The following LASP1 variants were observed in gnomAD, a reference collection of about 807,000 sequenced individuals.
The protein encoded by LASP1 is LIM and SH3 domain protein 1.
Under a neutral mutation model 38.6 loss-of-function variants are expected in LASP1, and 10 were observed. That is an observed-to-expected ratio of 0.26 (90% CI 0.16 to 0.44). LASP1 has a LOEUF of 0.44. LASP1 is among the 20% of genes least tolerant of loss of function. The pLI, the probability that LASP1 is intolerant of heterozygous loss-of-function variation, is 1.00. For synonymous variants in LASP1, 132 were observed against 140.8 expected (o/e 0.94, Z 0.44); for missense variants, 243 against 375.7 (o/e 0.65, Z 2.92).
At chr17:38,882,563 C>A (rs1046239398) in intron 2 of LASP1, among the ~76,000 whole-genome samples, 1 of 152,154 alleles carries the variant, frequency 6.6e-6, no homozygotes. Flanking sequence ...TTTCTTGAAG[C>A]TTCTGGGTGG....
intron 2 of LASP1, among the ~76,000 whole-genome samples, chr17:38,878,983 A>G (rs1005599659): frequency 1.3e-5 from 2 of 148,680 alleles, no homozygotes; most frequent in African/African-American, 4.9e-5. Flanking sequence ...ATCCCATCCC[A>G]TCCCATGCAA....
At chr17:38,896,815 T>C (rs1914503452) in intron 3 of LASP1, 1 of 666,604 alleles carries the variant, frequency 1.5e-6, no homozygotes, top group Non-Finnish European at 1.9e-6. Context: ...GCGTTAGTGC[T>C]AGCTCCGCCT....
At chr17:38,917,251 G>C (rs971957985) in intron 6 of LASP1, among the ~76,000 whole-genome samples, 9 of 152,208 alleles carry the variant, frequency 5.9e-5, no homozygotes, top group Non-Finnish European at 1.0e-4. Context: ...GGTGATGAGA[G>C]AGACTGAGGT....
At chr17:38,894,704 TCTC>T (rs375179993) in intron 3 of LASP1, among the ~76,000 whole-genome samples, 7 of 151,914 alleles carry the variant, frequency 4.6e-5, no homozygotes, top group African/African-American at 1.7e-4. Context: ...TTCCATCAGC[TCTC>T]CTCTCCATCT....
intron 1 of LASP1, 95 bp downstream of exon 1, chr17:38,870,353 C>A: frequency 1.4e-6 from 2 of 1,385,520 alleles, no homozygotes; most frequent in Non-Finnish European, 2.0e-6. Flanking sequence ...GCCTTATCCC[C>A]GCGATCCCAG....
rs1915281391 is a variant in LASP1 at position 38,920,899 on chromosome 17, C to T, written c.*2121C>T. On this transcript the variant is annotated 3_prime_UTR_variant, in exon 7 of 7. Transcript: ENST00000318008. ...TGGGGACCAAAGGTCAGGGACACATCCCCTTAGAGGACCTGAGTTTGGGAG... is the reference window on the plus strand; with the variant it reads ...TGGGGACCAAAGGTCAGGGACACATTCCCTTAGAGGACCTGAGTTTGGGAG... 1 of 232,560 alleles carries T rather than the reference C, an allele frequency of 4.3e-6. No homozygotes were observed. Among genetic ancestry groups the T allele is most frequent in the African/African-American group, 2.2e-5 (1 of 45,338 alleles). 14.4% of individuals were successfully genotyped at this position (232,560 alleles called of 1,614,324 possible). A position where few individuals can be genotyped will look rare whatever the true frequency, so the allele number is the denominator to read the frequency against.
intron 4 of LASP1, among the ~76,000 whole-genome samples, chr17:38,900,197 CAAAA>C (rs56008544): frequency 1.5e-4 from 10 of 67,572 alleles, no homozygotes; most frequent in African/African-American, 2.0e-4. Context: ...ACTGTTTCTA[CAAAA>C]AAAAAAAAAA....
chr17:38,885,948 C>T (rs1914112840), intron 2 of LASP1, among the ~76,000 whole-genome samples: 1 of 152,114 alleles, frequency 6.6e-6, no homozygotes, highest in East Asian at 1.9e-4. Context: ...GAAACAAACC[C>T]GTGACACTTG....
chr17:38,885,835 A>T (rs947229828), intron 2 of LASP1, among the ~76,000 whole-genome samples: 8 of 152,162 alleles, frequency 5.3e-5, no homozygotes, highest in Admixed American at 3.9e-4. Flanking sequence ...ATTCCCAAAA[A>T]TTGTTTCTGG....
intron 2 of LASP1, among the ~76,000 whole-genome samples, chr17:38,888,318 G>C (rs1030566756): frequency 6.6e-6 from 1 of 150,610 alleles, no homozygotes; most frequent in African/African-American, 2.5e-5. Flanking sequence ...TCTTGCTCTC[G>C]CCCAGACTAG....
chr17:38,908,597 G>A (rs1049225771), intron 4 of LASP1, among the ~76,000 whole-genome samples: 6 of 152,234 alleles, frequency 3.9e-5, no homozygotes, highest in Non-Finnish European at 8.8e-5. Flanking sequence ...GCCGGTCCTT[G>A]CTCTGGCCTG....
At chr17:38,913,834 T>TCCA (rs1567705404) in intron 4 of LASP1, among the ~76,000 whole-genome samples, 1 of 73,684 alleles carries the variant, frequency 1.4e-5, no homozygotes, top group Non-Finnish European at 2.6e-5. Flanking sequence ...AAACCCTGTC[T>TCCA]CTATTAAAAT....
At chr17:38,910,848 G>A (rs555329462) in intron 4 of LASP1, among the ~76,000 whole-genome samples, 16 of 151,946 alleles carry the variant, frequency 1.1e-4, no homozygotes, top group African/African-American at 3.1e-4. Context: ...TCAGCCTTCC[G>A]AGTAGCTGGG....
intron 4 of LASP1, among the ~76,000 whole-genome samples, chr17:38,904,216 A>G (rs893362632): frequency 7.2e-5 from 11 of 152,204 alleles, no homozygotes; most frequent in African/African-American, 2.4e-4. Flanking sequence ...AGTACTTATC[A>G]TATCTTTATT....
chr17:38,871,362 G>C (rs937534547), intron 1 of LASP1, among the ~76,000 whole-genome samples: 1 of 151,960 alleles, frequency 6.6e-6, no homozygotes, highest in African/African-American at 2.4e-5. Context: ...CCCCTCCCCA[G>C]TCTGGAGGGG....
chr17:38,879,259 G>A (rs1336486945), intron 2 of LASP1, among the ~76,000 whole-genome samples: 1 of 143,018 alleles, frequency 7.0e-6, no homozygotes, highest in African/African-American at 2.6e-5. Flanking sequence ...GGATTCAAGC[G>A]ATTCTTGTAC....
At chr17:38,888,591 T>C (rs191286845) in intron 2 of LASP1, among the ~76,000 whole-genome samples, 1 of 152,362 alleles carries the variant, frequency 6.6e-6, no homozygotes, top group African/African-American at 2.4e-5. Flanking sequence ...CATTTGTTTA[T>C]TCAACAAATA....
chr17:38,910,096 A>G (rs189894648), intron 4 of LASP1, among the ~76,000 whole-genome samples: 3 of 152,220 alleles, frequency 2.0e-5, no homozygotes, highest in Admixed American at 6.5e-5. Flanking sequence ...TACAATATAC[A>G]TTCTATATTT....
rs745862833 is a variant in LASP1, at chr17:38,878,158, G to A, written c.142G>A (p.Glu48Lys). Reference protein sequence around the residue: ...TLNMKNYKGYEKKPYCNAHYP... With the variant: ...TLNMKNYKGYKKKPYCNAHYP... ...GAACATGAAGAACTACAAGGGCTACGAGAAGAAGCCCTACTGCAACGCGTG... is the reference window on the plus strand; with the variant it reads ...GAACATGAAGAACTACAAGGGCTACAAGAAGAAGCCCTACTGCAACGCGTG... The change falls in exon 2 of 7, where the codon GAG (glutamate) becomes AAG (lysine). Residue 48 changes from glutamate (E) to lysine (K), a missense_variant. Physicochemically the swap from Glu to Lys is moderately conservative, Grantham distance 56. This residue lies in a region of LASP1 where 43 missense variants were observed against 108.3 expected (regional missense o/e 0.40). Coordinates refer to ENST00000318008, the MANE Select transcript of LASP1 (RefSeq NM_006148.4). 1.9e-6 allele frequency: 3 copies of A among 1,613,520 alleles called. No individual in the cohort carries two copies. The highest frequency in any genetic ancestry group is 2.5e-6 in the Non-Finnish European group (3 of 1,179,510).
Sources: allele counts gnomAD v4.1 joint callset (sites outside exome capture counted in the v4.1 genomes callset), GRCh38; gene constraint gnomAD v4.1.1; regional missense constraint gnomAD v4.1.1; transcripts MANE v1.5; gene names NCBI Gene and HGNC (gene_info 2026-07-23, HGNC 2026-07-21).